Variants in TASP1 observed in about 807,000 individuals in gnomAD.
TASP1 encodes taspase 1, also known as threonine aspartase 1.
TASP1 carries 16 observed loss-of-function variants against 56.6 expected under a neutral mutation model. The ratio of observed to expected loss-of-function variants is 0.28; its 90% CI spans 0.19 to 0.43. The LOEUF is 0.43. Among genes scored for constraint, TASP1 ranks in the 20% least tolerant of loss-of-function variants. The probability of loss-of-function intolerance (pLI) is 1.00; values close to 1 mark genes in which losing one functional copy is unlikely to be tolerated. For synonymous variants in TASP1, 179 were observed against 184.2 expected (o/e 0.97, Z 0.23); for missense variants, 393 against 511.6 (o/e 0.77, Z 2.24).
At chr20:13,367,675 GTAT>G in the TASP1 span, among the ~76,000 whole-genome samples, 1 of 152,156 alleles carries the variant, frequency 6.6e-6, no homozygotes, top group Non-Finnish European at 1.5e-5. Context: ...ACTGCAATGA[GTAT>G]TATTTATTTG....
intron 11 of TASP1, among the ~76,000 whole-genome samples, chr20:13,463,137 C>T (rs2044118288): frequency 6.6e-6 from 1 of 151,954 alleles, no homozygotes; most frequent in South Asian, 2.1e-4. Flanking sequence ...GCCACAGTAA[C>T]CAAAAGAGTA....
intron 10 of TASP1, among the ~76,000 whole-genome samples, chr20:13,520,747 G>A (rs890145457): frequency 6.6e-6 from 1 of 152,068 alleles, no homozygotes; most frequent in Admixed American, 6.6e-5. Flanking sequence ...CAAAAGCAAT[G>A]GCAACAAAAG....
chr20:13,513,005 C>G (rs2044393681), intron 10 of TASP1, among the ~76,000 whole-genome samples: 1 of 152,040 alleles, frequency 6.6e-6, no homozygotes, highest in Non-Finnish European at 1.5e-5. Flanking sequence ...GTTACTGTAG[C>G]CTTGTAGTAT....
At chr20:13,413,887 A>C (rs1431927521) in intron 13 of TASP1, among the ~76,000 whole-genome samples, 1 of 152,160 alleles carries the variant, frequency 6.6e-6, no homozygotes, top group East Asian at 1.9e-4. Context: ...TGACCCACTG[A>C]GAAAATATTG....
At chr20:13,550,997 G>A (rs561059256) in intron 8 of TASP1, among the ~76,000 whole-genome samples, 1 of 152,166 alleles carries the variant, frequency 6.6e-6, no homozygotes, top group South Asian at 2.1e-4. Flanking sequence ...GTGGATAAAA[G>A]GGAAAAATGT....
At chr20:13,366,036 A>G in the TASP1 span, among the ~76,000 whole-genome samples, 1 of 152,206 alleles carries the variant, frequency 6.6e-6, no homozygotes, top group Non-Finnish European at 1.5e-5. Context: ...TACCTGAGCA[A>G]CTGGGCAAGC....
At chr20:13,401,555 C>T (rs1272955274) in intron 13 of TASP1, among the ~76,000 whole-genome samples, 1 of 152,134 alleles carries the variant, frequency 6.6e-6, no homozygotes, top group Non-Finnish European at 1.5e-5. Context: ...ATCATAAAAT[C>T]AATGGGGGAT....
rs6042262 is a variant in TASP1, at chr20:13,626,908, C to G, written c.146-1656G>C. On this transcript the variant is annotated intron_variant, in intron 2 of 13. Coordinates refer to ENST00000337743, the MANE Select transcript of TASP1 (RefSeq NM_017714.3). ...ATAAAAGTCTCAGCAGAGCCCCCCC[C>G]CCACCCCGTACATCTTTAATTCCTG... Among the ~76,000 whole-genome samples, 86 of 124,138 alleles carry G rather than the reference C, an allele frequency of 6.9e-4. 3 individuals carry two copies. Among genetic ancestry groups the G allele is most frequent in the East Asian group, 6.3e-3 (24 of 3,836 alleles). 81.4% of individuals were successfully genotyped at this position (124,138 alleles called of 152,430 possible). A position where few individuals can be genotyped will look rare whatever the true frequency, so the allele number is the denominator to read the frequency against.
intron 13 of TASP1, among the ~76,000 whole-genome samples, chr20:13,411,004 T>C (rs528750442): frequency 6.6e-6 from 1 of 152,302 alleles, no homozygotes; most frequent in African/African-American, 2.4e-5. Flanking sequence ...TGGATTTTTA[T>C]ATATGAAGAG....
chr20:13,561,721 GAGAC>G (rs766318837), intron 7 of TASP1, among the ~76,000 whole-genome samples: 19 of 152,154 alleles, frequency 1.2e-4, no homozygotes, highest in Admixed American at 5.9e-4. Context: ...AGTCTGTTTT[GAGAC>G]AGACAATGGG....
the TASP1 span, among the ~76,000 whole-genome samples, chr20:13,292,651 A>G: frequency 2.0e-5 from 3 of 152,038 alleles, no homozygotes; most frequent in African/African-American, 7.2e-5. Context: ...AGCCTCCTCC[A>G]CCGGACCGAG....
chr20:13,456,684 C>T (rs150916802), intron 11 of TASP1, among the ~76,000 whole-genome samples: 15 of 152,162 alleles, frequency 9.9e-5, no homozygotes, highest in African/African-American at 3.1e-4. Flanking sequence ...AGTCCCTTCA[C>T]GTGACATCAG....
At chr20:13,180,038 G>A in the TASP1 span, among the ~76,000 whole-genome samples, 1 of 152,150 alleles carries the variant, frequency 6.6e-6, no homozygotes, top group Admixed American at 6.5e-5. Flanking sequence ...CATCCAGACT[G>A]TAGGTTGGCC....
chr20:13,348,425 C>T, the TASP1 span, among the ~76,000 whole-genome samples: 2 of 152,102 alleles, frequency 1.3e-5, no homozygotes, highest in African/African-American at 4.8e-5. Context: ...CTCTTTGGAA[C>T]CCCCCGTGGA....
the TASP1 span, among the ~76,000 whole-genome samples, chr20:13,215,511 G>T: frequency 1.3e-5 from 2 of 152,204 alleles, no homozygotes; most frequent in African/African-American, 4.8e-5. Context: ...TTGGCTATTT[G>T]CAGAAGAGGT....
At chr20:13,165,789 T>G in the TASP1 span, 1 of 152,194 alleles carries the variant, frequency 6.6e-6, no homozygotes, top group African/African-American at 2.4e-5. Flanking sequence ...AAGACTATAT[T>G]TGAAGAATGC....
At chr20:13,539,138 G>GA (rs1400605504) in intron 8 of TASP1, among the ~76,000 whole-genome samples, 1 of 152,148 alleles carries the variant, frequency 6.6e-6, no homozygotes, top group African/African-American at 2.4e-5. Flanking sequence ...AACACTCAAT[G>GA]ATATTATCTT....
At chr20:13,334,212 G>A in the TASP1 span, among the ~76,000 whole-genome samples, 1 of 152,142 alleles carries the variant, frequency 6.6e-6, no homozygotes, top group Admixed American at 6.6e-5. Flanking sequence ...AGAGCAGGGT[G>A]TTTCACTAGA....
the TASP1 span, among the ~76,000 whole-genome samples, chr20:13,352,015 G>A: frequency 2.6e-4 from 39 of 152,292 alleles, no homozygotes; most frequent in Admixed American, 5.2e-4. Flanking sequence ...ACTAGCTACT[G>A]TATTGGGCAG....
Sources: gnomAD v4.1 joint callset for allele counts (sites outside exome capture counted in the v4.1 genomes callset) on GRCh38, gnomAD v4.1.1 for gene constraint, MANE v1.5 for transcripts, NCBI Gene and HGNC (gene_info 2026-07-23, HGNC 2026-07-21) for gene names.